CDYL2: variants seen among roughly 807,000 people sequenced by gnomAD.
CDYL2 encodes the protein chromodomain Y-like protein 2.
In CDYL2, 23 loss-of-function variants were observed where a neutral mutation model predicts 49.4. The ratio of observed to expected loss-of-function variants is 0.47; its 90% CI spans 0.34 to 0.66. The LOEUF (loss-of-function observed/expected upper bound fraction) is 0.66. Ranked by LOEUF, CDYL2 falls within the 30% of genes least tolerant of loss-of-function variation. The pLI is 0.01. For missense variants in CDYL2, 678 were observed against 656.4 expected (o/e 1.03, Z -0.36); for synonymous variants, 360 against 268.8 (o/e 1.34, Z -3.32).
intron 1 of CDYL2, among the ~76,000 whole-genome samples, chr16:80,762,141 A>C (rs541643680): frequency 5.9e-5 from 9 of 152,234 alleles, no homozygotes; most frequent in South Asian, 2.1e-4. Context: ...GGCCAAGATC[A>C]TGCCACTGCA....
chr16:80,604,673 C>A, intron 6 of CDYL2, 127 bp from the exon 7 acceptor site: 2 of 921,424 alleles, frequency 2.2e-6, no homozygotes, highest in East Asian at 4.9e-5. Context: ...CTCCTCCAGC[C>A]TGGGCCTTCC....
At chr16:80,741,135 A>G (rs1227433461) in intron 1 of CDYL2, among the ~76,000 whole-genome samples, 15 of 150,118 alleles carry the variant, frequency 1.0e-4, no homozygotes, top group Non-Finnish European at 1.9e-4. Flanking sequence ...AAATTGCATA[A>G]AAAGCCCAGA....
chr16:80,746,529 T>C (rs894392323), intron 1 of CDYL2, among the ~76,000 whole-genome samples: 3 of 152,174 alleles, frequency 2.0e-5, no homozygotes, highest in African/African-American at 7.2e-5. Flanking sequence ...TCTAAATCAG[T>C]ACTGAAGACA....
intron 1 of CDYL2, among the ~76,000 whole-genome samples, chr16:80,714,830 C>A (rs771104559): frequency 6.6e-6 from 1 of 152,176 alleles, no homozygotes; most frequent in Non-Finnish European, 1.5e-5. Flanking sequence ...TCACCAAAAG[C>A]TCCATTTTTG....
At chr16:80,712,168 T>C (rs1175250380) in intron 1 of CDYL2, among the ~76,000 whole-genome samples, 4 of 126,738 alleles carry the variant, frequency 3.2e-5, no homozygotes, top group African/African-American at 1.2e-4. Flanking sequence ...TGTGTATATA[T>C]ATGTGTCTTT....
intron 1 of CDYL2, among the ~76,000 whole-genome samples, chr16:80,755,712 C>T (rs1906288361): frequency 6.6e-6 from 1 of 152,178 alleles, no homozygotes; most frequent in African/African-American, 2.4e-5. Context: ...ACAACACCAA[C>T]AGTACTGTAC....
chr16:80,617,829 T>C (rs873993), intron 4 of CDYL2, among the ~76,000 whole-genome samples: 5,116 of 152,300 alleles, frequency 0.034, 295 homozygotes, highest in African/African-American at 0.12. Context: ...TTTCTCTTAG[T>C]GCTCTCAATC....
chr16:80,733,449 A>G (rs77890202), intron 1 of CDYL2, among the ~76,000 whole-genome samples: 271 of 152,314 alleles, frequency 1.8e-3, no homozygotes, highest in Non-Finnish European at 2.7e-3. Flanking sequence ...AATTCTGGAC[A>G]TTCTCCAAGG....
chr16:80,785,206 A>G (rs913083206), intron 1 of CDYL2, among the ~76,000 whole-genome samples: 1 of 152,178 alleles, frequency 6.6e-6, no homozygotes, highest in Non-Finnish European at 1.5e-5. Context: ...TTGTATGTTT[A>G]GAAAAACCCC....
chr16:80,682,826 C>A (rs1157103591), intron 2 of CDYL2, among the ~76,000 whole-genome samples: 1 of 152,208 alleles, frequency 6.6e-6, no homozygotes, highest in African/African-American at 2.4e-5. Flanking sequence ...GCCCACTTCT[C>A]CCCGAGAGAT....
rs150937077 is a variant in CDYL2 at position 80,631,860 on chromosome 16, T to C, written c.834+1159A>G. 6.7e-3 allele frequency among the ~76,000 whole-genome samples: 1,023 copies of C among 152,284 alleles called. 18 individuals carry two copies. Among genetic ancestry groups the C allele is most frequent in the Non-Finnish European group, 6.7e-3 (454 of 68,026 alleles). ...TGAGATACCACCTCACATGCACTAG[T>C]ATTGCTATAATAAAAAAGACAGACG... On this transcript the variant is annotated intron_variant, in intron 3 of 6. Coordinates refer to ENST00000570137, the MANE Select transcript of CDYL2 (RefSeq NM_152342.4).
intron 2 of CDYL2, among the ~76,000 whole-genome samples, chr16:80,661,237 A>G (rs1021563540): frequency 6.6e-6 from 1 of 152,154 alleles, no homozygotes; most frequent in South Asian, 2.1e-4. Flanking sequence ...TGAGGGATAC[A>G]TTATCCATTC....
intron 2 of CDYL2, among the ~76,000 whole-genome samples, chr16:80,649,809 C>G (rs1908509120): frequency 6.6e-6 from 1 of 152,094 alleles, no homozygotes; most frequent in Non-Finnish European, 1.5e-5. Flanking sequence ...AGAAACAAAT[C>G]CACACACCTA....
chr16:80,662,915 C>T (rs1395342159), intron 2 of CDYL2, among the ~76,000 whole-genome samples: 1 of 152,020 alleles, frequency 6.6e-6, no homozygotes, highest in Non-Finnish European at 1.5e-5. Context: ...CATATACCTT[C>T]AGAACCAGCG....
intron 2 of CDYL2, among the ~76,000 whole-genome samples, chr16:80,634,103 G>A (rs1027139052): frequency 2.0e-5 from 3 of 151,716 alleles, no homozygotes; most frequent in African/African-American, 7.3e-5. Context: ...GGGAAAGAGA[G>A]AGGGAAGGAA....
In CDYL2 at chr16:80,603,462, C is replaced by T. The variant is rs1350295852; in HGVS notation, c.*926G>A. On this transcript the variant is annotated 3_prime_UTR_variant, in exon 7 of 7. Coordinates refer to ENST00000570137, the MANE Select transcript of CDYL2 (RefSeq NM_152342.4). ...AGGAACTAGTATTCTATTATTACAG[C>T]TGAGAACCGTTTTACACAGAGGTGC... 1.3e-5 allele frequency: 2 copies of T among 152,202 alleles called. No homozygotes were observed. Among genetic ancestry groups the T allele is most frequent in the African/African-American group, 4.8e-5 (2 of 41,436 alleles). The allele number at this position is 152,202 out of a possible 1,614,324, so 9.4% of individuals were successfully genotyped here.
Position 80,604,084 on chromosome 16 carries a change from T to C in CDYL2, c.*304A>G. On this transcript the variant is annotated 3_prime_UTR_variant, in exon 7 of 7. Coordinates refer to ENST00000570137, the MANE Select transcript of CDYL2 (RefSeq NM_152342.4). ...AAGTGGTCTTCCCCTTCCTGGACCG[T>C]CATGGTGCATTTCAGCAAGTGGGGA... 2.6e-6 allele frequency: 1 copy of C among 385,910 alleles called. No homozygotes were observed. Among genetic ancestry groups the C allele is most frequent in the Non-Finnish European group, 4.8e-6 (1 of 208,588 alleles). The allele number at this position is 385,910 out of a possible 1,614,324, so 23.9% of individuals were successfully genotyped here. A position where few individuals can be genotyped will look rare whatever the true frequency, so the allele number is the denominator to read the frequency against.
At chr16:80,732,753 T>C (rs1018073479) in intron 1 of CDYL2, among the ~76,000 whole-genome samples, 1 of 152,208 alleles carries the variant, frequency 6.6e-6, no homozygotes, top group Non-Finnish European at 1.5e-5. Flanking sequence ...TGACTTTGAA[T>C]TGGCAGACTG....
At chr16:80,748,665 G>C (rs775901359) in intron 1 of CDYL2, among the ~76,000 whole-genome samples, 1 of 151,602 alleles carries the variant, frequency 6.6e-6, no homozygotes, top group African/African-American at 2.4e-5. Context: ...ATAACTATTA[G>C]AAAAACAACC....
Sources: allele counts gnomAD v4.1 joint callset (sites outside exome capture counted in the v4.1 genomes callset), GRCh38; gene constraint gnomAD v4.1.1; transcripts MANE v1.5; gene names NCBI Gene and HGNC (gene_info 2026-07-23, HGNC 2026-07-21).